The following GNG7 variants were observed in gnomAD, a reference collection of about 807,000 sequenced individuals.
GNG7 encodes the protein G protein subunit gamma 7.
GNG7 carries 1 observed loss-of-function variant against 4.0 expected under a neutral mutation model. That is an observed-to-expected ratio of 0.25 (90% CI 0.09 to 1.18). The LOEUF (loss-of-function observed/expected upper bound fraction) is 1.18. GNG7 is among the 50% of genes most tolerant of loss of function. The pLI is 0.50. For synonymous variants in GNG7, 34 were observed against 36.9 expected (o/e 0.92, Z 0.29); for missense variants, 86 against 91.9 (o/e 0.94, Z 0.26).
intron 1 of GNG7, among the ~76,000 whole-genome samples, chr19:2,688,505 C>T (rs1913053785): frequency 6.6e-6 from 1 of 152,158 alleles, no homozygotes; most frequent in Admixed American, 6.6e-5. Context: ...CGTGTTCTTT[C>T]CCGAAACCCG....
At chr19:2,686,454 G>A (rs140730892) in intron 1 of GNG7, among the ~76,000 whole-genome samples, 300 of 152,178 alleles carry the variant, frequency 2.0e-3, no homozygotes, top group Non-Finnish European at 3.3e-3. Flanking sequence ...CACCGTACCC[G>A]GCCTCCCCCC....
intron 3 of GNG7, among the ~76,000 whole-genome samples, chr19:2,548,752 A>G (rs74449767): frequency 0.11 from 14,605 of 134,520 alleles, 2 homozygotes; most frequent in South Asian, 0.12. Flanking sequence ...TCGTGCCACT[A>G]CACTCCAGCC....
chr19:2,692,578 T>C (rs1262908117), intron 1 of GNG7, among the ~76,000 whole-genome samples: 1 of 145,208 alleles, frequency 6.9e-6, no homozygotes, highest in Non-Finnish European at 1.5e-5. Flanking sequence ...GAGCTTGCAG[T>C]GAGCCGAGAT....
chr19:2,680,452 CTG>C (rs1449039503), intron 1 of GNG7, among the ~76,000 whole-genome samples: 1 of 152,042 alleles, frequency 6.6e-6, no homozygotes, highest in East Asian at 1.9e-4. Flanking sequence ...GCCCAGCCAC[CTG>C]TCTCTATTTT....
chr19:2,584,283 G>T (rs1052056607), intron 2 of GNG7, among the ~76,000 whole-genome samples: 4 of 58,820 alleles, frequency 6.8e-5, no homozygotes, highest in East Asian at 7.6e-4. Context: ...TCTCCGCAAA[G>T]AATTAAAAAA....
At chr19:2,545,423 G>A (rs895807470) in intron 3 of GNG7, among the ~76,000 whole-genome samples, 5 of 152,080 alleles carry the variant, frequency 3.3e-5, no homozygotes, top group African/African-American at 7.2e-5. Context: ...CGAGGCGGGC[G>A]GATCACTTGA....
At chr19:2,559,159 T>C (rs1345294171) in intron 2 of GNG7, among the ~76,000 whole-genome samples, 2 of 152,030 alleles carry the variant, frequency 1.3e-5, no homozygotes, top group Non-Finnish European at 2.9e-5. Context: ...CACATATATA[T>C]ACATATACAT....
intron 1 of GNG7, among the ~76,000 whole-genome samples, chr19:2,669,753 T>C (rs1478515221): frequency 6.6e-6 from 1 of 151,960 alleles, no homozygotes; most frequent in Non-Finnish European, 1.5e-5. Flanking sequence ...CTCATGCCTG[T>C]TATCCCAGCA....
intron 2 of GNG7, among the ~76,000 whole-genome samples, chr19:2,593,417 C>T (rs995439790): frequency 3.3e-5 from 5 of 152,036 alleles, no homozygotes; most frequent in African/African-American, 4.8e-5. Flanking sequence ...TATATATTTA[C>T]AAGCCTTCAA....
intron 1 of GNG7, among the ~76,000 whole-genome samples, chr19:2,677,364 T>G (rs1021794568): frequency 1.3e-5 from 2 of 151,992 alleles, no homozygotes; most frequent in African/African-American, 4.8e-5. Flanking sequence ...GTGACTGTTA[T>G]GACTCAGGGA....
intron 2 of GNG7, among the ~76,000 whole-genome samples, chr19:2,590,661 C>T (rs1980821921): frequency 6.9e-6 from 1 of 145,288 alleles, no homozygotes; most frequent in African/African-American, 2.5e-5. Flanking sequence ...ATCCATTCAC[C>T]CATTCATTCA....
At chr19:2,591,229 T>G (rs547690475) in intron 2 of GNG7, among the ~76,000 whole-genome samples, 35 of 152,264 alleles carry the variant, frequency 2.3e-4, no homozygotes, top group African/African-American at 7.9e-4. Context: ...CAACCGATGA[T>G]GTGGAAGAAT....
chr19:2,678,370 T>C (rs556419846), intron 1 of GNG7, among the ~76,000 whole-genome samples: 1 of 152,244 alleles, frequency 6.6e-6, no homozygotes, highest in South Asian at 2.1e-4. Flanking sequence ...ATATAGTAGG[T>C]ATTGTGGCAT....
intron 3 of GNG7, among the ~76,000 whole-genome samples, chr19:2,545,267 C>T (rs1568237957): frequency 6.6e-6 from 1 of 152,078 alleles, no homozygotes. Flanking sequence ...CAGCACCCTG[C>T]AGTGCCCAGG....
At chr19:2,638,268 C>A in intron 2 of GNG7, among the ~76,000 whole-genome samples, 1 of 150,374 alleles carries the variant, frequency 6.7e-6, no homozygotes, top group Non-Finnish European at 1.5e-5. Flanking sequence ...GAGGCCGAGG[C>A]AGAGAATTAC....
intron 1 of GNG7, among the ~76,000 whole-genome samples, chr19:2,689,252 A>AG (rs1913078145): frequency 6.6e-6 from 1 of 151,796 alleles, no homozygotes; most frequent in Non-Finnish European, 1.5e-5. Context: ...ACCGTGTTAT[A>AG]GGGGAAAAAA....
chr19:2,664,390 C>T (rs566734626), intron 1 of GNG7, among the ~76,000 whole-genome samples: 1 of 152,192 alleles, frequency 6.6e-6, no homozygotes, highest in African/African-American at 2.4e-5. Flanking sequence ...CAGGTGCAGG[C>T]GCAGGGGAGG....
At chr19:2,568,138 T>TATACACATGCACACAC (rs1979983849) in intron 2 of GNG7, among the ~76,000 whole-genome samples, 1 of 143,864 alleles carries the variant, frequency 7.0e-6, no homozygotes, top group Admixed American at 6.9e-5. Context: ...CATACACACA[T>TATACACATGCACACAC]ATACACATGC....
chr19:2,682,729 A>G (rs1983772535), intron 1 of GNG7, among the ~76,000 whole-genome samples: 1 of 147,048 alleles, frequency 6.8e-6, no homozygotes, highest in African/African-American at 2.5e-5. Context: ...CTCCCACCCC[A>G]TCCGGTGAAG....
Sources: allele counts gnomAD v4.1 joint callset (sites outside exome capture counted in the v4.1 genomes callset), GRCh38; gene constraint gnomAD v4.1.1; transcripts MANE v1.5; gene names NCBI Gene and HGNC (gene_info 2026-07-23, HGNC 2026-07-21).